SP4: variants seen among roughly 807,000 people sequenced by gnomAD.
SP4 encodes the protein Sp4 transcription factor, also known as transcription factor Sp4.
SP4 carries 19 observed loss-of-function variants against 72.8 expected under a neutral mutation model. The ratio of observed to expected loss-of-function variants is 0.26; its 90% CI spans 0.18 to 0.38. SP4 has a LOEUF of 0.38. Ranked by LOEUF, SP4 falls within the 10% of genes least tolerant of loss-of-function variation. SP4 has a pLI of 1.00. For synonymous variants in SP4, 395 were observed against 333.1 expected (o/e 1.19, Z -2.02); for missense variants, 1,008 against 926.3 (o/e 1.09, Z -1.14).
At chr7:21,470,061 T>C (rs768745259) in intron 3 of SP4, among the ~76,000 whole-genome samples, 10 of 152,168 alleles carry the variant, frequency 6.6e-5, no homozygotes, top group Admixed American at 2.0e-4. Flanking sequence ...GTAGCAGATA[T>C]CCACTTGATT....
intron 5 of SP4, among the ~76,000 whole-genome samples, chr7:21,499,588 A>G (rs1425428456): frequency 6.6e-6 from 1 of 152,190 alleles, no homozygotes; most frequent in African/African-American, 2.4e-5. Context: ...GGAGGGAGCA[A>G]GGCTGGGCTG....
intron 3 of SP4, among the ~76,000 whole-genome samples, chr7:21,454,749 T>C (rs936164851): frequency 3.3e-5 from 5 of 152,128 alleles, no homozygotes; most frequent in African/African-American, 9.7e-5. Flanking sequence ...GACTTTCCAG[T>C]TGAAGTTATT....
At chr7:21,483,763 C>T (rs564148023) in intron 5 of SP4, among the ~76,000 whole-genome samples, 1 of 151,444 alleles carries the variant, frequency 6.6e-6, no homozygotes, top group Admixed American at 6.6e-5. Flanking sequence ...GCCTTGACTT[C>T]TTTTTGGGCA....
intron 5 of SP4, among the ~76,000 whole-genome samples, chr7:21,504,143 G>A (rs1439248190): frequency 2.0e-5 from 3 of 152,136 alleles, no homozygotes; most frequent in African/African-American, 7.2e-5. Flanking sequence ...TCATCTGCAA[G>A]CCTGTTTCCT....
At chr7:21,447,022 CT>C in intron 3 of SP4, among the ~76,000 whole-genome samples, 1 of 152,170 alleles carries the variant, frequency 6.6e-6, no homozygotes, top group Non-Finnish European at 1.5e-5. Flanking sequence ...CATGTCCAGC[CT>C]TCAGCAACAG....
chr7:21,492,658 T>C (rs1785010424), intron 5 of SP4, among the ~76,000 whole-genome samples: 1 of 152,132 alleles, frequency 6.6e-6, no homozygotes, highest in Admixed American at 6.6e-5. Context: ...AATGATAGAC[T>C]TAAAATCTAA....
chr7:21,480,195 A>G (rs1583429604), intron 4 of SP4, among the ~76,000 whole-genome samples: 1 of 152,114 alleles, frequency 6.6e-6, no homozygotes. Flanking sequence ...TTGCATCCAT[A>G]TTCATAAGAG....
intron 5 of SP4, among the ~76,000 whole-genome samples, chr7:21,504,508 C>G (rs1023999360): frequency 2.0e-5 from 3 of 152,136 alleles, no homozygotes; most frequent in African/African-American, 7.2e-5. Flanking sequence ...TCGTTCGTCA[C>G]AACTCATCCA....
rs1782212011 is a variant in SP4 at position 21,514,203 on chromosome 7, C to G, written c.*2934C>G. 6.6e-6 allele frequency: 1 copy of G among 152,246 alleles called. No individual in the cohort carries two copies. Among genetic ancestry groups the G allele is most frequent in the Admixed American group, 6.6e-5 (1 of 15,256 alleles). 9.4% of individuals were successfully genotyped at this position (152,246 alleles called of 1,614,324 possible). A position where few individuals can be genotyped will look rare whatever the true frequency, so the allele number is the denominator to read the frequency against. On this transcript the variant is annotated 3_prime_UTR_variant, in exon 6 of 6. Transcript: ENST00000222584. ...TTGATGTTAAGTCATTTATCACACT[C>G]TCATGAGAGCAGTAATAAAAGTGTG...
chr7:21,436,341 T>G (rs1277394497), intron 3 of SP4, among the ~76,000 whole-genome samples: 2 of 152,174 alleles, frequency 1.3e-5, no homozygotes, highest in African/African-American at 4.8e-5. Flanking sequence ...CTAAATTTAC[T>G]TAATCAAGAA....
At chr7:21,441,848 A>G (rs1783254224) in intron 3 of SP4, among the ~76,000 whole-genome samples, 1 of 152,174 alleles carries the variant, frequency 6.6e-6, no homozygotes, top group African/African-American at 2.4e-5. Flanking sequence ...GCTCTGTATC[A>G]AGCATGGTAA....
intron 3 of SP4, among the ~76,000 whole-genome samples, chr7:21,468,308 G>A (rs190299528): frequency 1.3e-5 from 2 of 152,134 alleles, no homozygotes; most frequent in African/African-American, 4.8e-5. Flanking sequence ...GAAAAGTTTC[G>A]AATTAAATTT....
intron 5 of SP4, among the ~76,000 whole-genome samples, chr7:21,500,832 C>T (rs979143273): frequency 6.6e-6 from 1 of 152,156 alleles, no homozygotes; most frequent in Admixed American, 6.5e-5. Flanking sequence ...ATATTAAGCT[C>T]CATAACTTTA....
At chr7:21,452,968 G>C (rs1482841247) in intron 3 of SP4, among the ~76,000 whole-genome samples, 1 of 151,962 alleles carries the variant, frequency 6.6e-6, no homozygotes, top group Non-Finnish European at 1.5e-5. Flanking sequence ...TTTTAGTAGA[G>C]ACGGTTTCAC....
chr7:21,496,135 A>G (rs925261136), intron 5 of SP4, among the ~76,000 whole-genome samples: 1 of 152,154 alleles, frequency 6.6e-6, no homozygotes, highest in East Asian at 1.9e-4. Context: ...CTACAAAGGA[A>G]TTTTTGGAAG....
chr7:21,450,095 G>A (rs1478916095), intron 3 of SP4, among the ~76,000 whole-genome samples: 1 of 152,040 alleles, frequency 6.6e-6, no homozygotes, highest in East Asian at 1.9e-4. Context: ...ATCTCAACTT[G>A]TTTTTATGTT....
rs779638250 is a variant in SP4 at position 21,429,850 on chromosome 7, G to C, written c.685G>C (p.Val229Leu). The C allele has an allele frequency of 5.0e-6, 8 of 1,614,114 alleles. No individual in the cohort carries two copies. The highest frequency in any genetic ancestry group is 1.3e-5 in the African/African-American group (1 of 74,934). ...ILAQNLANQT[V>L]PVQIRPGVSI... ...TGCTCAAAACCTGGCAAATCAGACA[G>C]TTCCGGTCCAAATTAGACCTGGTGT... Residue 229 changes from valine (V) to leucine (L), a missense_variant, in exon 3 of 6, where the codon GTT (valine) becomes CTT (leucine). Physicochemically the swap from Val to Leu is conservative, Grantham distance 32. Transcript: ENST00000222584.
Position 21,429,078 on chromosome 7 carries a change from C to T in SP4, c.124-211C>T, listed in dbSNP as rs116303884. 9.0e-3 allele frequency among the ~76,000 whole-genome samples: 1,376 copies of T among 152,212 alleles called. 23 individuals carry two copies. The highest frequency in any genetic ancestry group is 0.031 in the African/African-American group (1,307 of 41,510). ...ACTTTACAAAGTTGTAAAGAAATTTCCTTTTATTTAAACTTGATATTATAG... is the reference window on the plus strand; with the variant it reads ...ACTTTACAAAGTTGTAAAGAAATTTTCTTTTATTTAAACTTGATATTATAG... On this transcript the variant is annotated intron_variant, in intron 2 of 5. Transcript: ENST00000222584.
intron 3 of SP4, among the ~76,000 whole-genome samples, chr7:21,474,900 T>C (rs1229591147): frequency 1.3e-5 from 2 of 152,230 alleles, no homozygotes; most frequent in African/African-American, 2.4e-5. Context: ...ATGTTAGTTA[T>C]GGGTGCTACC....
Sources: gnomAD v4.1 joint callset for allele counts (sites outside exome capture counted in the v4.1 genomes callset) on GRCh38, gnomAD v4.1.1 for gene constraint, MANE v1.5 for transcripts, NCBI Gene and HGNC (gene_info 2026-07-23, HGNC 2026-07-21) for gene names.